The following KIAA1671 variants were observed in gnomAD, a reference collection of about 807,000 sequenced individuals.
The protein encoded by KIAA1671 is uncharacterized protein KIAA1671.
KIAA1671 carries 52 observed loss-of-function variants against 131.2 expected under a neutral mutation model. That is an observed-to-expected ratio of 0.40 (90% confidence interval 0.32 to 0.50). The LOEUF is 0.50. Ranked by LOEUF, KIAA1671 falls within the 20% of genes least tolerant of loss-of-function variation. KIAA1671 has a pLI of 0.73. For synonymous variants in KIAA1671, 1,003 were observed against 961.6 expected, an observed-to-expected ratio of 1.04 and a Z score of -0.80; for missense variants, 2,360 against 2,364.2, an observed-to-expected ratio of 1.00 and a Z score of 0.04.
At chr22:25,093,834 G>C (rs8137988) in intron 6 of KIAA1671, among the ~76,000 whole-genome samples, 4,825 of 16,426 alleles carry the variant, frequency 0.29, 1,021 homozygotes, top group African/African-American at 0.42. Flanking sequence ...TTCTCTCTCT[G>C]TCTGTCTCTC....
At chr22:25,106,536 G>C (rs558852369) in intron 6 of KIAA1671, among the ~76,000 whole-genome samples, 3 of 152,252 alleles carry the variant, frequency 2.0e-5, no homozygotes, top group African/African-American at 7.2e-5. Flanking sequence ...CAAGTAACTT[G>C]TTCACCGTCA....
intron 1 of KIAA1671, among the ~76,000 whole-genome samples, chr22:24,983,774 ATTTTTTTTTTT>A: frequency 8.6e-6 from 1 of 116,728 alleles, no homozygotes; most frequent in Non-Finnish European, 1.7e-5. Context: ...GGTGTTTGGA[ATTTTTTTTTTT>A]TTTTTTTTTT....
rs188975367 is a variant in KIAA1671 at position 25,088,210 on chromosome 22, C to T, written c.4530+38846C>T. Among the ~76,000 whole-genome samples, 205 of 151,828 alleles carry T rather than the reference C, an allele frequency of 1.4e-3. 3 individuals are homozygous for T. The East Asian group carries it at 0.025, about 19-fold the overall frequency. ...GCAACCTCTGCCTCTGAGGTTCAAG[C>T]GATCCTCGTGCCTCAGCCTCCTGAG... On this transcript the variant is annotated intron_variant, in intron 6 of 12. Coordinates refer to ENST00000358431, the MANE Select transcript of KIAA1671 (RefSeq NM_001145206.2).
chr22:24,985,919 C>A (rs1923504295), intron 1 of KIAA1671, among the ~76,000 whole-genome samples: 3 of 152,004 alleles, frequency 2.0e-5, no homozygotes, highest in Admixed American at 1.3e-4. Flanking sequence ...TGTGGGGTAA[C>A]CCTTCGGGAG....
At chr22:24,979,913 T>C (rs928061803) in intron 1 of KIAA1671, among the ~76,000 whole-genome samples, 5 of 152,160 alleles carry the variant, frequency 3.3e-5, no homozygotes, top group African/African-American at 1.2e-4. Context: ...ATATTTTGCT[T>C]AGCAAAATGT....
chr22:25,103,810 C>G (rs1411263173), intron 6 of KIAA1671, among the ~76,000 whole-genome samples: 1 of 151,874 alleles, frequency 6.6e-6, no homozygotes, highest in Non-Finnish European at 1.5e-5. Flanking sequence ...GTCCTTTTGG[C>G]TTTTTAAACC....
At chr22:25,045,156 G>A (rs1004910579) in intron 5 of KIAA1671, among the ~76,000 whole-genome samples, 3 of 148,966 alleles carry the variant, frequency 2.0e-5, no homozygotes, top group African/African-American at 7.3e-5. Flanking sequence ...GAGAGACTCC[G>A]TCTCAAAGAA....
At chr22:25,046,139 T>C (rs1193337995) in intron 5 of KIAA1671, among the ~76,000 whole-genome samples, 1 of 151,894 alleles carries the variant, frequency 6.6e-6, no homozygotes, top group African/African-American at 2.4e-5. Flanking sequence ...CCATCTCTAC[T>C]AAAAATACAA....
At chr22:25,053,973 G>A (rs1927692454) in intron 6 of KIAA1671, 1 of 150,416 alleles carries the variant, frequency 6.6e-6, no homozygotes, top group Non-Finnish European at 1.5e-5. Context: ...CGATTCGCCT[G>A]AGCTCAGGAG....
intron 6 of KIAA1671, among the ~76,000 whole-genome samples, chr22:25,082,419 T>C (rs1344853031): frequency 6.6e-6 from 1 of 152,164 alleles, no homozygotes; most frequent in African/African-American, 2.4e-5. Context: ...TTTGAGGGTG[T>C]CATTGATTTT....
intron 6 of KIAA1671, among the ~76,000 whole-genome samples, chr22:25,150,160 C>G (rs1932986861): frequency 6.6e-6 from 1 of 152,236 alleles, no homozygotes; most frequent in Non-Finnish European, 1.5e-5. Flanking sequence ...CCTCTGAGCT[C>G]CCTCTCTATC....
chr22:24,973,555 G>A (rs548379895), intron 1 of KIAA1671, among the ~76,000 whole-genome samples: 95 of 151,630 alleles, frequency 6.3e-4, no homozygotes, highest in African/African-American at 2.0e-3. Context: ...CACCATGCCC[G>A]GCTAATTTTT....
At chr22:25,147,862 G>A (rs2145971813) in intron 6 of KIAA1671, among the ~76,000 whole-genome samples, 1 of 152,270 alleles carries the variant, frequency 6.6e-6, no homozygotes, top group East Asian at 1.9e-4. Flanking sequence ...ACAACTCGAA[G>A]AGGCGAGCTC....
chr22:25,178,027 T>C (rs921800834), intron 9 of KIAA1671, among the ~76,000 whole-genome samples: 1 of 152,176 alleles, frequency 6.6e-6, no homozygotes, highest in Non-Finnish European at 1.5e-5. Flanking sequence ...GGATGGAAGC[T>C]GAGGGCCCTG....
intron 1 of KIAA1671, among the ~76,000 whole-genome samples, chr22:24,958,980 CAAAAAAA>C (rs59084421): frequency 1.5e-4 from 12 of 77,566 alleles, no homozygotes; most frequent in Admixed American, 4.0e-4. Flanking sequence ...AACTTCGTAT[CAAAAAAA>C]AAAAAAAAAA....
chr22:25,081,047 G>A (rs1362037999), intron 6 of KIAA1671, among the ~76,000 whole-genome samples: 1 of 152,160 alleles, frequency 6.6e-6, no homozygotes, highest in Non-Finnish European at 1.5e-5. Flanking sequence ...AGTTAGAAGG[G>A]GCATGCCAAT....
chr22:25,068,248 G>GGGAGCAGGGCCGGCC (rs1928597190), intron 6 of KIAA1671, among the ~76,000 whole-genome samples: 1 of 152,282 alleles, frequency 6.6e-6, no homozygotes, highest in Admixed American at 6.5e-5. Flanking sequence ...TGTGCTGCCA[G>GGGAGCAGGGCCGGCC]TCCCTGGCTC....
intron 6 of KIAA1671, among the ~76,000 whole-genome samples, chr22:25,075,034 CTAATGT>C (rs1929031568): frequency 6.6e-6 from 1 of 152,174 alleles, no homozygotes; most frequent in African/African-American, 2.4e-5. Context: ...CCCGGTTCCC[CTAATGT>C]TAGCATGTTA....
chr22:25,065,653 T>G (rs9306407), intron 6 of KIAA1671, among the ~76,000 whole-genome samples: 2 of 150,234 alleles, frequency 1.3e-5, no homozygotes, highest in East Asian at 3.9e-4. Flanking sequence ...TATTATTTTT[T>G]TTTTTTTGAG....
Sources: gnomAD v4.1 joint callset for allele counts (sites outside exome capture counted in the v4.1 genomes callset) on GRCh38, gnomAD v4.1.1 for gene constraint, MANE v1.5 for transcripts, NCBI Gene and HGNC (gene_info 2026-07-23, HGNC 2026-07-21) for gene names.